Variants in ZBTB17 observed in about 807,000 individuals in gnomAD.
ZBTB17 encodes the protein zinc finger and BTB domain-containing protein 17.
Under a neutral mutation model 85.1 loss-of-function variants are expected in ZBTB17, and 24 were observed. The observed-to-expected ratio is 0.28, with a 90% CI of 0.20 to 0.40. ZBTB17 has a LOEUF of 0.40. Ranked by LOEUF, ZBTB17 falls within the 10% of genes least tolerant of loss-of-function variation. The probability of loss-of-function intolerance (pLI) is 1.00; values close to 1 mark genes in which losing one functional copy is unlikely to be tolerated. For synonymous variants in ZBTB17, 464 were observed against 460.2 expected (o/e 1.01, Z -0.11); for missense variants, 743 against 1,105.1 (o/e 0.67, Z 4.65).
rs995192068 is a variant in ZBTB17 at position 15,974,476 on chromosome 1, A to G, written c.-89-1351T>C. On this transcript the variant is annotated intron_variant, in intron 1 of 15. Transcript: ENST00000375743. Reference sequence around the variant, plus strand: ...AGAGTAAGCCACCGCACCTGGCCACAGATCTGATTCTTAAATGGCTTCCCA... The same window carrying G: ...AGAGTAAGCCACCGCACCTGGCCACGGATCTGATTCTTAAATGGCTTCCCA... Among the ~76,000 whole-genome samples, 5 of 152,154 alleles carry G rather than the reference A, an allele frequency of 3.3e-5. No individual in the cohort carries two copies. In the South Asian group the frequency reaches 6.2e-4, roughly 19 times the overall value.
At chr1:15,947,806 T>C (rs1570123910) in intron 3 of ZBTB17, among the ~76,000 whole-genome samples, 1 of 152,250 alleles carries the variant, frequency 6.6e-6, no homozygotes, top group South Asian at 2.1e-4. Context: ...AATAATACCT[T>C]CTCATGGCAT....
At chr1:15,968,826 C>G (rs1437723250) in intron 2 of ZBTB17, among the ~76,000 whole-genome samples, 1 of 152,240 alleles carries the variant, frequency 6.6e-6, no homozygotes, top group Non-Finnish European at 1.5e-5. Context: ...CAGGTTTGGG[C>G]CTTCCTCAAC....
At chr1:15,969,620 G>C (rs1481047317) in intron 2 of ZBTB17, 1 of 432,856 alleles carries the variant, frequency 2.3e-6, no homozygotes, top group African/African-American at 2.0e-5. Context: ...GGGGGAGCAG[G>C]GCAGGGAGAT....
chr1:15,968,351 C>T (rs371906389), intron 2 of ZBTB17, among the ~76,000 whole-genome samples: 11 of 152,164 alleles, frequency 7.2e-5, no homozygotes, highest in East Asian at 3.8e-4. Flanking sequence ...ACTTGCTGAG[C>T]GCCAGCTGTG....
rs1195761079 is a variant in ZBTB17 at position 15,953,914 on chromosome 1, A to G, written c.-2-5417T>C. ...TTGCCAGGAAGCAGAGATGCAGATG[A>G]TAGTTTCATTTTTTTAGGCCAAAGT... On this transcript the variant is annotated intron_variant, in intron 2 of 15. Transcript: ENST00000375743. This position sits in a 1 kb window ranked among gnomAD's most constrained non-coding sequence, Gnocchi z 5.1. Among the ~76,000 whole-genome samples the G allele has an allele frequency of 6.6e-6, 1 of 152,180 alleles. No homozygotes were observed. The highest frequency in any genetic ancestry group is 6.5e-5 in the Admixed American group (1 of 15,278).
intron 2 of ZBTB17, among the ~76,000 whole-genome samples, chr1:15,971,104 C>G (rs1017253993): frequency 6.6e-6 from 1 of 152,050 alleles, no homozygotes; most frequent in South Asian, 2.1e-4. Flanking sequence ...CTGGCCTCAC[C>G]TCCTGAGAAA....
At chr1:15,970,200 T>G (rs41339145) in intron 2 of ZBTB17, 78,466 of 490,764 alleles carry the variant, frequency 0.16, 7,381 homozygotes, top group African/African-American at 0.32. Flanking sequence ...TTTGCCAAGC[T>G]GATAAATGTC....
intron 2 of ZBTB17, among the ~76,000 whole-genome samples, chr1:15,962,826 A>G (rs2072307426): frequency 6.6e-6 from 1 of 152,226 alleles, no homozygotes; most frequent in African/African-American, 2.4e-5. Flanking sequence ...CTGTAGTCCC[A>G]GCTACTCGAA....
chr1:15,944,004 G>C (rs980105319), intron 9 of ZBTB17, 109 bp from the exon 10 acceptor site: 11 of 1,158,314 alleles, frequency 9.5e-6, no homozygotes, highest in Non-Finnish European at 1.4e-5. Context: ...GCCAGGGTCC[G>C]TGAAGGGCTC....
chr1:15,959,406 G>T (rs1269146173), intron 2 of ZBTB17, among the ~76,000 whole-genome samples: 1 of 151,720 alleles, frequency 6.6e-6, no homozygotes, highest in Non-Finnish European at 1.5e-5. Context: ...TCCTTTCTGT[G>T]CTGTTTCACC....
Position 15,969,610 on chromosome 1 carries a change from G to C in ZBTB17, c.-3+3429C>G, listed in dbSNP as rs114634348. 2.3e-3 allele frequency: 967 copies of C among 419,254 alleles called. 6 individuals are homozygous for C. The highest frequency in any genetic ancestry group is 0.018 in the African/African-American group (876 of 49,228). The allele number at this position is 419,254 out of a possible 1,614,324, so 26.0% of individuals were successfully genotyped here. A position where few individuals can be genotyped will look rare whatever the true frequency, so the allele number is the denominator to read the frequency against. ...CTGCCTGCCTGGGCCTCGGAGGGTGGGGGGAGCAGGGCAGGGAGATGATAA... is the reference window on the plus strand; with the variant it reads ...CTGCCTGCCTGGGCCTCGGAGGGTGCGGGGAGCAGGGCAGGGAGATGATAA... On this transcript the variant is annotated intron_variant, in intron 2 of 15. Transcript: ENST00000375743.
In ZBTB17 at chr1:15,944,466, G is replaced by T; in HGVS notation, c.1205C>A (p.Ser402Ter). Residue 402 changes from serine (S) to a stop codon, truncating the protein, a stop_gained, in exon 9 of 16, where the codon TCG (serine) becomes TAG (stop). Transcript: ENST00000375743. LOFTEE classifies it high-confidence loss of function. ...CAGCTGGTGGCGCTTGAGGTTGCCC[G>T]AGGTGGTGAAGAGCTTGCCGCAGTC... ...CEDCGKLFTT[S>*]GNLKRHQLVH... The T allele has an allele frequency of 6.3e-7, 1 of 1,577,054 alleles. No individual in the cohort carries two copies.
At position 15,942,051 on chromosome 1, in the gene ZBTB17, C is replaced by T. The variant is rs34433473; in HGVS notation, c.2330G>A (p.Arg777His). Residue 777 changes from arginine to histidine, a missense_variant, in exon 16 of 16, where the codon CGC (arginine) becomes CAC (histidine). Physicochemically the swap from Arg to His is conservative, Grantham distance 29. Transcript: ENST00000375743. ...QVLQAGELVFRPRDGAEGQPA... is the reference protein window; with the variant it reads ...QVLQAGELVFHPRDGAEGQPA... Reference sequence around the variant, plus strand: ...CTGGCCCTCAGCCCCGTCGCGAGGGCGGAAGACCAGCTCCCCAGCCTGCAG... The same window carrying T: ...CTGGCCCTCAGCCCCGTCGCGAGGGTGGAAGACCAGCTCCCCAGCCTGCAG... 3.3e-5 allele frequency: 53 copies of T among 1,612,196 alleles called. No individual in the cohort carries two copies. The highest frequency in any genetic ancestry group is 6.7e-5 in the African/African-American group (5 of 74,926).
chr1:15,975,991 T>C lies in ZBTB17; in HGVS notation c.-98A>G. 8.6e-6 allele frequency: 6 copies of C among 699,894 alleles called. No homozygotes were observed. The highest frequency in any genetic ancestry group is 2.6e-6 in the Non-Finnish European group (1 of 383,596). The allele number at this position is 699,894 out of a possible 1,614,324, so 43.4% of individuals were successfully genotyped here. A position where few individuals can be genotyped will look rare whatever the true frequency, so the allele number is the denominator to read the frequency against. ...CGATTGTTGACACTCACCTGCCATGTCCCGGACCCCACCGCAGAGGGAGGT... is the reference window on the plus strand; with the variant it reads ...CGATTGTTGACACTCACCTGCCATGCCCCGGACCCCACCGCAGAGGGAGGT... On this transcript the variant is annotated 5_prime_UTR_variant, in exon 1 of 16. Coordinates refer to ENST00000375743, the MANE Select transcript of ZBTB17 (RefSeq NM_003443.3).
At chr1:15,968,208 T>C (rs2072514545) in intron 2 of ZBTB17, among the ~76,000 whole-genome samples, 1 of 152,206 alleles carries the variant, frequency 6.6e-6, no homozygotes, top group African/African-American at 2.4e-5. Flanking sequence ...GTTCACCATG[T>C]CTATTTCCCA....
chr1:15,956,052 G>A (rs1355592585), intron 2 of ZBTB17, among the ~76,000 whole-genome samples: 2 of 152,218 alleles, frequency 1.3e-5, no homozygotes, highest in African/African-American at 2.4e-5. Flanking sequence ...GTGCTAGTAC[G>A]CATACCAGGG....
rs748709570 is a variant in ZBTB17 at position 15,966,161 on chromosome 1, T to C, written c.-3+6878A>G. On this transcript the variant is annotated intron_variant, in intron 2 of 15. Transcript: ENST00000375743. The surrounding 1 kb of genome is among the most constrained non-coding windows in gnomAD (Gnocchi z 4.1). Reference sequence around the variant, plus strand: ...AGTCACAGTAACGGGGGAAAATCCCTGAGGGGCCCACATGGCCCCGAGACT... The same window carrying C: ...AGTCACAGTAACGGGGGAAAATCCCCGAGGGGCCCACATGGCCCCGAGACT... Among the ~76,000 whole-genome samples, 14 of 152,196 alleles carry C rather than the reference T, an allele frequency of 9.2e-5. No individual in the cohort carries two copies. The highest frequency in any genetic ancestry group is 1.7e-4 in the African/African-American group (7 of 41,454).
chr1:15,947,721 ACT>A (rs1309093688), intron 3 of ZBTB17, among the ~76,000 whole-genome samples: 2 of 151,826 alleles, frequency 1.3e-5, no homozygotes, highest in Non-Finnish European at 2.9e-5. Context: ...TCTGCTACCA[ACT>A]CTCTATCTGA....
chr1:15,975,302 A>C (rs1261102915), intron 1 of ZBTB17, among the ~76,000 whole-genome samples: 1 of 152,218 alleles, frequency 6.6e-6, no homozygotes, highest in Non-Finnish European at 1.5e-5. Flanking sequence ...AAGGATGAAT[A>C]AACCCAGGCA....
Sources: gnomAD v4.1 joint callset for allele counts (sites outside exome capture counted in the v4.1 genomes callset) on GRCh38, gnomAD v4.1.1 for gene constraint, Gnocchi (gnomAD v3.1) non-coding constraint, MANE v1.5 for transcripts, NCBI Gene and HGNC (gene_info 2026-07-23, HGNC 2026-07-21) for gene names.